The following DGKI variants were observed in gnomAD, a reference collection of about 807,000 sequenced individuals.
DGKI encodes the protein DAG kinase iota.
Under a neutral mutation model 147.5 loss-of-function variants are expected in DGKI, and 55 were observed. The observed-to-expected ratio is 0.37, with a 90% CI of 0.30 to 0.47. DGKI has a LOEUF of 0.47. DGKI is among the 20% of genes least tolerant of loss of function. The pLI, the probability that DGKI is intolerant of heterozygous loss-of-function variation, is 1.00. For synonymous variants in DGKI, 469 were observed against 477.1 expected (o/e 0.98, Z 0.22); for missense variants, 1,007 against 1,323.8 (o/e 0.76, Z 3.71).
intron 1 of DGKI, among the ~76,000 whole-genome samples, chr7:137,780,243 TAAGACTA>T (rs1489661209): frequency 1.3e-5 from 2 of 152,208 alleles, no homozygotes; most frequent in Non-Finnish European, 1.5e-5. Flanking sequence ...TACCATTTCT[TAAGACTA>T]AAGATAAATT....
intron 13 of DGKI, 150 bp downstream of exon 13, chr7:137,586,947 A>T: frequency 1.9e-6 from 1 of 522,784 alleles, no homozygotes; most frequent in South Asian, 4.1e-5. Flanking sequence ...CTACCAGATC[A>T]AATAAGGGCT....
intron 8 of DGKI, among the ~76,000 whole-genome samples, chr7:137,615,367 A>G (rs1164030853): frequency 6.6e-6 from 1 of 152,124 alleles, no homozygotes. Context: ...GTGGAAATGG[A>G]TCACGGTGGA....
chr7:137,479,828 C>T (rs777564404), intron 23 of DGKI, among the ~76,000 whole-genome samples: 1 of 152,172 alleles, frequency 6.6e-6, no homozygotes, highest in Non-Finnish European at 1.5e-5. Context: ...ACATCTCCCA[C>T]ATACAAGCCA....
intron 1 of DGKI, among the ~76,000 whole-genome samples, chr7:137,718,368 C>G (rs886196163): frequency 2.6e-5 from 4 of 152,130 alleles, no homozygotes; most frequent in African/African-American, 4.8e-5. Context: ...AAAGGTGGCC[C>G]CTTAGAGGAG....
chr7:137,564,341 C>T (rs1818512533), intron 19 of DGKI, among the ~76,000 whole-genome samples: 1 of 152,040 alleles, frequency 6.6e-6, no homozygotes, highest in African/African-American at 2.4e-5. Flanking sequence ...TCTTAGGAAG[C>T]ACACAAAAAG....
At chr7:137,433,167 G>C (rs1253258374) in intron 28 of DGKI, among the ~76,000 whole-genome samples, 1 of 152,130 alleles carries the variant, frequency 6.6e-6, no homozygotes, top group Non-Finnish European at 1.5e-5. Flanking sequence ...GCTTTATCCA[G>C]GACAGTCCAG....
At chr7:137,398,419 C>T (rs967547578) in intron 30 of DGKI, among the ~76,000 whole-genome samples, 2 of 151,700 alleles carry the variant, frequency 1.3e-5, no homozygotes, top group African/African-American at 4.8e-5. Flanking sequence ...AGTGTAGAGC[C>T]TGGAGATAAG....
chr7:137,735,510 T>C lies in DGKI; in HGVS notation c.402-45508A>G, dbSNP rs561040879. 9.2e-5 allele frequency among the ~76,000 whole-genome samples: 14 copies of C among 152,122 alleles called. No homozygotes were observed. The South Asian group carries it at 2.3e-3, about 25-fold the overall frequency. On this transcript the variant is annotated intron_variant, in intron 1 of 32. Coordinates refer to ENST00000614521, the MANE Select transcript of DGKI (RefSeq NM_001321708.2). ...TGTACAAGCATTTACCACAGTTTAG[T>C]TGTATATCTGATGCATATGATGAGG...
chr7:137,523,497 A>G (rs1817037807), intron 20 of DGKI, among the ~76,000 whole-genome samples: 2 of 152,068 alleles, frequency 1.3e-5, no homozygotes, highest in Admixed American at 6.6e-5. Context: ...TGGCTATTTA[A>G]AAGTGTAGAT....
rs144017341 is a variant in DGKI at position 137,385,711 on chromosome 7, T to C, written c.*5509A>G. 476 of 152,288 alleles carry C rather than the reference T, an allele frequency of 3.1e-3. 4 individuals carry two copies. The highest frequency in any genetic ancestry group is 0.011 in the African/African-American group (447 of 41,580). 9.4% of individuals were successfully genotyped at this position (152,288 alleles called of 1,614,324 possible). Reference sequence around the variant, plus strand: ...TTAGTTTCAGATACATTTTTAGAAATCTACTATGACTCCAGTAAAATGGAA... The same window carrying C: ...TTAGTTTCAGATACATTTTTAGAAACCTACTATGACTCCAGTAAAATGGAA... On this transcript the variant is annotated 3_prime_UTR_variant, in exon 33 of 33. Coordinates refer to ENST00000614521, the MANE Select transcript of DGKI (RefSeq NM_001321708.2).
intron 1 of DGKI, among the ~76,000 whole-genome samples, chr7:137,694,505 C>T (rs982399850): frequency 4.6e-5 from 7 of 152,080 alleles, no homozygotes; most frequent in Admixed American, 2.6e-4. Flanking sequence ...TGATGCTGCA[C>T]GTGAGAACAG....
At chr7:137,663,789 C>G (rs1375859675) in intron 3 of DGKI, among the ~76,000 whole-genome samples, 1 of 152,162 alleles carries the variant, frequency 6.6e-6, no homozygotes, top group South Asian at 2.1e-4. Flanking sequence ...GGAGATTTCT[C>G]TGTGTGTTTC....
chr7:137,563,663 A>ATAC (rs1296725089), intron 19 of DGKI, among the ~76,000 whole-genome samples: 1 of 152,016 alleles, frequency 6.6e-6, no homozygotes, highest in Non-Finnish European at 1.5e-5. Flanking sequence ...TATATTAGCA[A>ATAC]TAATTAAATG....
At chr7:137,449,382 TAAGGA>T (rs1256350386) in intron 27 of DGKI, among the ~76,000 whole-genome samples, 2 of 152,142 alleles carry the variant, frequency 1.3e-5, no homozygotes, top group African/African-American at 4.8e-5. Flanking sequence ...GAATACATAA[TAAGGA>T]AAGGACAGTC....
intron 21 of DGKI, among the ~76,000 whole-genome samples, chr7:137,517,204 AAAAGT>A (rs1236496800): frequency 2.7e-5 from 4 of 149,480 alleles, no homozygotes; most frequent in East Asian, 3.9e-4. Flanking sequence ...AAAAGAAAAG[AAAAGT>A]AAAGAAAAGA....
In DGKI at chr7:137,389,525, T is replaced by C. The variant is rs986369512; in HGVS notation, c.*1695A>G. 2 of 152,214 alleles carry C rather than the reference T, an allele frequency of 1.3e-5. No homozygotes were observed. Among genetic ancestry groups the C allele is most frequent in the Non-Finnish European group, 2.9e-5 (2 of 68,038 alleles). 9.4% of individuals were successfully genotyped at this position (152,214 alleles called of 1,614,324 possible). On this transcript the variant is annotated 3_prime_UTR_variant, in exon 33 of 33. Coordinates refer to ENST00000614521, the MANE Select transcript of DGKI (RefSeq NM_001321708.2). ...AGACACTATCATTCATGGTCATATG[T>C]AGAAACATTAGGGAAGCACTATGCT...
At chr7:137,771,569 G>A (rs1178258478) in intron 1 of DGKI, 1 of 152,092 alleles carries the variant, frequency 6.6e-6, no homozygotes, top group African/African-American at 2.4e-5. Context: ...ACAAGAGAAA[G>A]GAATAAATAG....
intron 24 of DGKI, among the ~76,000 whole-genome samples, chr7:137,467,530 T>C (rs766728907): frequency 2.6e-5 from 4 of 152,202 alleles, no homozygotes; most frequent in Non-Finnish European, 4.4e-5. Flanking sequence ...AGACCATATG[T>C]GGTCTTAAAT....
intron 1 of DGKI, among the ~76,000 whole-genome samples, chr7:137,742,892 A>G (rs1585432898): frequency 1.3e-5 from 2 of 152,232 alleles, no homozygotes; most frequent in South Asian, 4.1e-4. Flanking sequence ...CAGTCAAAGC[A>G]TCTAACAAAA....
Sources: gnomAD v4.1 joint callset for allele counts (sites outside exome capture counted in the v4.1 genomes callset) on GRCh38, gnomAD v4.1.1 for gene constraint, MANE v1.5 for transcripts, NCBI Gene and HGNC (gene_info 2026-07-23, HGNC 2026-07-21) for gene names.